HS3ST1: variants seen among roughly 807,000 people sequenced by gnomAD.
HS3ST1 encodes the protein heparan sulfate glucosamine 3-O-sulfotransferase 1.
A neutral mutation model predicts 20.7 loss-of-function variants in HS3ST1; 8 were observed. The ratio of observed to expected loss-of-function variants is 0.39; its 90% CI spans 0.23 to 0.70. The LOEUF (loss-of-function observed/expected upper bound fraction) is 0.70. HS3ST1 is among the 30% of genes least tolerant of loss of function. The pLI is 0.46. For synonymous variants in HS3ST1, 205 were observed against 190.4 expected, an observed-to-expected ratio of 1.08 and a Z score of -0.63; for missense variants, 436 against 423.4, an observed-to-expected ratio of 1.03 and a Z score of -0.26.
chr4:11,409,908 G>C (rs988476796), intron 1 of HS3ST1, among the ~76,000 whole-genome samples: 4 of 152,188 alleles, frequency 2.6e-5, no homozygotes, highest in African/African-American at 9.7e-5. Flanking sequence ...AACTCTGGCA[G>C]ATATTGTCAG....
chr4:11,406,526 A>G (rs912668240), intron 1 of HS3ST1, among the ~76,000 whole-genome samples: 3 of 152,228 alleles, frequency 2.0e-5, no homozygotes, highest in Admixed American at 6.5e-5. Context: ...CATATCTGCC[A>G]TGACAGAAAT....
chr4:11,423,573 T>C (rs1228044794), intron 1 of HS3ST1, among the ~76,000 whole-genome samples: 1 of 152,206 alleles, frequency 6.6e-6, no homozygotes, highest in Non-Finnish European at 1.5e-5. Context: ...GTCTGTCTCC[T>C]CTGCTGGAAG....
intron 1 of HS3ST1, among the ~76,000 whole-genome samples, chr4:11,402,265 A>G (rs1718346078): frequency 6.6e-6 from 1 of 152,226 alleles, no homozygotes; most frequent in African/African-American, 2.4e-5. Flanking sequence ...AGAGAACCAC[A>G]GTGCACTGGA....
upstream of HS3ST1, among the ~76,000 whole-genome samples, chr4:11,432,370 A>G (rs1365915167): frequency 1.3e-5 from 2 of 152,184 alleles, no homozygotes; most frequent in Non-Finnish European, 2.9e-5. Context: ...TTTATCCACA[A>G]AGGAAATTGG....
In HS3ST1 at chr4:11,399,324, T is replaced by C; in HGVS notation, c.682A>G (p.Ile228Val). Residue 228 changes from isoleucine to valine, a missense_variant, in exon 2 of 2, where the codon ATC becomes GTC. Transcript: ENST00000002596. The surrounding 1 kb of genome is among the most constrained non-coding windows in gnomAD (Gnocchi z 5.1). ...TTTAGGAACCTCTCGACCTTTTGGA[T>C]CTCAGGGAAGGGGTCCCTGATGAGG... The part of the protein sequence containing the change: ...DRLIRDPFPE[I>V]QKVERFLKLS... The C allele has an allele frequency of 6.2e-7, 1 of 1,614,120 alleles. No homozygotes were observed. The highest frequency in any genetic ancestry group is 8.5e-7 in the Non-Finnish European group (1 of 1,180,014).
intron 1 of HS3ST1, among the ~76,000 whole-genome samples, chr4:11,425,003 C>G (rs1191133365): frequency 6.6e-6 from 1 of 152,156 alleles, no homozygotes; most frequent in African/African-American, 2.4e-5. Flanking sequence ...TAAGAACAGA[C>G]AGGCCTGAAT....
In HS3ST1 at chr4:11,399,987, C is replaced by A; in HGVS notation, c.19G>T (p.Gly7Cys). 3 of 1,532,074 alleles carry A rather than the reference C, an allele frequency of 2.0e-6. No individual in the cohort carries two copies. The highest frequency in any genetic ancestry group is 1.7e-6 in the Non-Finnish European group (2 of 1,143,196). 94.9% of individuals were successfully genotyped at this position (1,532,074 alleles called of 1,614,324 possible). MAALLL[G>C]AVLLVAQPQL... Reference sequence around the variant, plus strand: ...GGCTGGGCCACCAGCAGCACCGCGCCCAGGAGCAGCGCGGCCATGCTGGAC... The same window carrying A: ...GGCTGGGCCACCAGCAGCACCGCGCACAGGAGCAGCGCGGCCATGCTGGAC... The change falls in exon 2 of 2, where the codon GGC (glycine) becomes TGC (cysteine). Residue 7 changes from glycine (G) to cysteine (C), a missense_variant. Transcript: ENST00000002596. The surrounding 1 kb of genome is among the most constrained non-coding windows in gnomAD (Gnocchi z 5.1).
rs192368027 is a variant in HS3ST1, at chr4:11,414,563, C to T, written c.-109+14136G>A. 4.6e-5 allele frequency among the ~76,000 whole-genome samples: 7 copies of T among 152,254 alleles called. No individual in the cohort carries two copies. The East Asian group carries it at 1.2e-3, about 25-fold the overall frequency. On this transcript the variant is annotated intron_variant, in intron 1 of 1. Transcript: ENST00000002596. The stretch of plus-strand genomic sequence containing the variant: ...CCCATTGCTTTTCTACTTTAACAAC[C>T]GTATTTACTTCCCCAACCAGCTAGC...
At chr4:11,402,497 G>A (rs543130875) in intron 1 of HS3ST1, among the ~76,000 whole-genome samples, 8 of 152,288 alleles carry the variant, frequency 5.3e-5, no homozygotes, top group African/African-American at 1.9e-4. Flanking sequence ...TACCAATTGT[G>A]CTTGGCTCTT....
chr4:11,393,581 T>C lies in HS3ST1; in HGVS notation c.*5501A>G, dbSNP rs1406424651. 6.6e-6 allele frequency: 1 copy of C among 152,168 alleles called. No homozygotes were observed. The highest frequency in any genetic ancestry group is 1.9e-4 in the East Asian group (1 of 5,204). 9.4% of individuals were successfully genotyped at this position (152,168 alleles called of 1,614,324 possible). Reference sequence around the variant, plus strand: ...GGAAACACATTTACTGAGAATAGGGTAGCAGAAGAAATGAGTAAGGTAATG... The same window carrying C: ...GGAAACACATTTACTGAGAATAGGGCAGCAGAAGAAATGAGTAAGGTAATG... On this transcript the variant is annotated 3_prime_UTR_variant, in exon 2 of 2. Coordinates refer to ENST00000002596, the MANE Select transcript of HS3ST1 (RefSeq NM_005114.4).
At chr4:11,417,123 T>C (rs1245123436) in intron 1 of HS3ST1, among the ~76,000 whole-genome samples, 1 of 152,206 alleles carries the variant, frequency 6.6e-6, no homozygotes, top group Non-Finnish European at 1.5e-5. Context: ...AACTTGAATT[T>C]TGGTACTACT....
At chr4:11,410,763 A>G (rs1718604527) in intron 1 of HS3ST1, among the ~76,000 whole-genome samples, 1 of 152,096 alleles carries the variant, frequency 6.6e-6, no homozygotes, top group Non-Finnish European at 1.5e-5. Context: ...GTGGTGGCAC[A>G]CGCCTGTAAT....
At chr4:11,433,247 GCC>G (rs1719239276), upstream of HS3ST1, among the ~76,000 whole-genome samples, 1 of 152,156 alleles carries the variant, frequency 6.6e-6, no homozygotes, top group Admixed American at 6.5e-5. Context: ...TGGGCAGTGT[GCC>G]TAAGACTTCT....
rs34905764 is a variant in HS3ST1 at position 11,395,473 on chromosome 4, CTTTTTTTTTTT to C, written c.*3598_*3608del. On this transcript the variant is annotated 3_prime_UTR_variant, in exon 2 of 2. Transcript: ENST00000002596. Reference sequence around the variant, plus strand: ...TTTTATTTTTTTATTATTAATTTATCTTTTTTTTTTTTTTTTTTTTTTGAGATGGAGTCTTG... The same window carrying C: ...TTTTATTTTTTTATTATTAATTTATCTTTTTTTTTTTGAGATGGAGTCTTG... 1 of 76,114 alleles carries C rather than the reference CTTTTTTTTTTT, an allele frequency of 1.3e-5. No individual in the cohort carries two copies. The highest frequency in any genetic ancestry group is 5.0e-4 in the South Asian group (1 of 1,982). The allele number at this position is 76,114 out of a possible 1,614,324, so 4.7% of individuals were successfully genotyped here.
Position 11,399,184 on chromosome 4 carries a change from G to A in HS3ST1, c.822C>T (p.His274=). 6.2e-7 allele frequency: 1 copy of A among 1,614,184 alleles called. No homozygotes were observed. The highest frequency in any genetic ancestry group is 8.5e-7 in the Non-Finnish European group (1 of 1,180,034). The change falls in exon 2 of 2, where the codon CAC becomes CAT. Residue 274 remains histidine, a synonymous_variant. Coordinates refer to ENST00000002596, the MANE Select transcript of HS3ST1 (RefSeq NM_005114.4). This position sits in a 1 kb window ranked among gnomAD's most constrained non-coding sequence, Gnocchi z 5.1. ...RCLHESKGRA[H]PQVDPKLLNK... Reference sequence around the variant, plus strand: ...TGAGTAGTTTGGGATCGACTTGGGGGTGCGCCCGGCCTTTGGACTCATGTA... The same window carrying A: ...TGAGTAGTTTGGGATCGACTTGGGGATGCGCCCGGCCTTTGGACTCATGTA...
At chr4:11,430,966 G>C (rs949181266), upstream of HS3ST1, among the ~76,000 whole-genome samples, 1 of 152,118 alleles carries the variant, frequency 6.6e-6, no homozygotes, top group Non-Finnish European at 1.5e-5. Context: ...GTATGTCCAG[G>C]CATTTGCCAC....
chr4:11,398,156 G>A lies in HS3ST1; in HGVS notation c.*926C>T, dbSNP rs1718188747. On this transcript the variant is annotated 3_prime_UTR_variant, in exon 2 of 2. Transcript: ENST00000002596. Reference sequence around the variant, plus strand: ...CACATATTTATGTCTCAGTGCATATGGAATATATGTCTATAATGCCAATGT... The same window carrying A: ...CACATATTTATGTCTCAGTGCATATAGAATATATGTCTATAATGCCAATGT... 2 of 152,194 alleles carry A rather than the reference G, an allele frequency of 1.3e-5. No individual in the cohort carries two copies. Among genetic ancestry groups the A allele is most frequent in the Admixed American group, 6.5e-5 (1 of 15,278 alleles). The allele number at this position is 152,194 out of a possible 1,614,324, so 9.4% of individuals were successfully genotyped here. A position where few individuals can be genotyped will look rare whatever the true frequency, so the allele number is the denominator to read the frequency against.
chr4:11,421,701 A>G (rs1380464980), intron 1 of HS3ST1, among the ~76,000 whole-genome samples: 1 of 152,234 alleles, frequency 6.6e-6, no homozygotes, highest in Non-Finnish European at 1.5e-5. Flanking sequence ...GAAGTTCTTG[A>G]GGGATGAAAG....
upstream of HS3ST1, chr4:11,429,642 G>GATTT (rs1719163012): frequency 3.8e-5 from 1 of 26,326 alleles, no homozygotes; most frequent in Non-Finnish European, 7.5e-5. Flanking sequence ...GGAAAATTCA[G>GATTT]CTTTTTTTTT....
Sources: gnomAD v4.1 joint callset for allele counts (sites outside exome capture counted in the v4.1 genomes callset) on GRCh38, gnomAD v4.1.1 for gene constraint, Gnocchi (gnomAD v3.1) non-coding constraint, MANE v1.5 for transcripts, NCBI Gene and HGNC (gene_info 2026-07-23, HGNC 2026-07-21) for gene names.